EPC2: variants seen among roughly 807,000 people sequenced by gnomAD.
EPC2 encodes the protein enhancer of polycomb homolog 2.
A neutral mutation model predicts 92.1 loss-of-function variants in EPC2; 14 were observed. The observed-to-expected ratio is 0.15, with a 90% CI of 0.10 to 0.24. EPC2 has a LOEUF of 0.24. Ranked by LOEUF, EPC2 falls within the 10% of genes least tolerant of loss-of-function variation. EPC2 has a pLI of 1.00. For missense variants in EPC2, 755 were observed against 971.5 expected (o/e 0.78, Z 2.96); for synonymous variants, 340 against 334.7 (o/e 1.02, Z -0.17).
At chr2:148,729,285 C>T (rs1682570993) in intron 2 of EPC2, among the ~76,000 whole-genome samples, 1 of 151,988 alleles carries the variant, frequency 6.6e-6, no homozygotes, top group Non-Finnish European at 1.5e-5. Flanking sequence ...GCTAATCTGA[C>T]AGGTGAAAAA....
intron 2 of EPC2, among the ~76,000 whole-genome samples, chr2:148,724,377 A>G (rs1169244278): frequency 1.3e-5 from 2 of 152,122 alleles, no homozygotes; most frequent in African/African-American, 4.8e-5. Flanking sequence ...AACATTTATC[A>G]TTTCTTTGTG....
At chr2:148,700,501 A>T (rs1252255184) in intron 2 of EPC2, among the ~76,000 whole-genome samples, 1 of 6,870 alleles carries the variant, frequency 1.5e-4, no homozygotes, top group Non-Finnish European at 2.9e-4. Context: ...CCCGCCCCGC[A>T]TTGAATTGCC....
chr2:148,745,373 G>A (rs1682964829), intron 3 of EPC2, among the ~76,000 whole-genome samples: 1 of 152,058 alleles, frequency 6.6e-6, no homozygotes, highest in Non-Finnish European at 1.5e-5. Flanking sequence ...CTTTCTTTGA[G>A]TCAGTAAGCA....
At chr2:148,662,252 A>T (rs1176860069) in intron 1 of EPC2, among the ~76,000 whole-genome samples, 1 of 152,122 alleles carries the variant, frequency 6.6e-6, no homozygotes, top group Admixed American at 6.5e-5. Flanking sequence ...TGTGGAAGTC[A>T]GTGTGGCGAT....
At chr2:148,672,464 G>T (rs1042422065) in intron 1 of EPC2, among the ~76,000 whole-genome samples, 2 of 151,968 alleles carry the variant, frequency 1.3e-5, no homozygotes, top group Non-Finnish European at 2.9e-5. Flanking sequence ...GTTTTTTATA[G>T]TGACATACTT....
At chr2:148,769,394 G>A (rs1382532782) in intron 8 of EPC2, among the ~76,000 whole-genome samples, 154 bp downstream of exon 8, 1 of 152,168 alleles carries the variant, frequency 6.6e-6, no homozygotes. Context: ...ATGCTAAAAG[G>A]TACTGAGTCC....
Position 148,784,755 on chromosome 2 carries a change from A to G in EPC2, c.2105A>G (p.His702Arg). ...GTACAGCTTGTAAGGACAGTTGGCC[A>G]CACCACTACAAACCACTTAATCCCA... ...SAVQLVRTVG[H>R]TTTNHLIPAL... Residue 702 changes from histidine (H) to arginine (R), a missense_variant, in exon 13 of 14, where the codon CAC becomes CGC. His to Arg is a conservative substitution (Grantham distance 29, BLOSUM62 0). This residue lies in a region of EPC2 where 207 missense variants were observed against 260.5 expected (regional missense o/e 0.79). Transcript: ENST00000258484. 1 of 1,614,000 alleles carries G rather than the reference A, an allele frequency of 6.2e-7. No homozygotes were observed. The highest frequency in any genetic ancestry group is 8.5e-7 in the Non-Finnish European group (1 of 1,179,884).
chr2:148,646,887 G>A (rs1683813661), intron 1 of EPC2, among the ~76,000 whole-genome samples: 2 of 152,026 alleles, frequency 1.3e-5, no homozygotes, highest in East Asian at 1.9e-4. Context: ...CGAGGTGGGC[G>A]GATCATGAGG....
In EPC2 at chr2:148,656,200, A is replaced by G. The variant is rs80331926; in HGVS notation, c.153+11030A>G. Among the ~76,000 whole-genome samples, 62 of 152,238 alleles carry G rather than the reference A, an allele frequency of 4.1e-4. No individual in the cohort carries two copies. The East Asian group carries it at 0.011, about 28-fold the overall frequency. On this transcript the variant is annotated intron_variant, in intron 1 of 13. Coordinates refer to ENST00000258484, the MANE Select transcript of EPC2 (RefSeq NM_015630.4). ...TTTTGATTTTCAATTCCTTCCCTTT[A>G]ACATCTCTGAGGAATTGAGAATTAG...
chr2:148,733,532 C>G (rs1184231312), intron 2 of EPC2, among the ~76,000 whole-genome samples: 1 of 106,660 alleles, frequency 9.4e-6, no homozygotes, highest in Non-Finnish European at 1.7e-5. Context: ...GGGTCTCACT[C>G]TGTCACCCAG....
chr2:148,701,970 A>T (rs1246589084), intron 2 of EPC2, among the ~76,000 whole-genome samples: 1 of 152,040 alleles, frequency 6.6e-6, no homozygotes, highest in Non-Finnish European at 1.5e-5. Flanking sequence ...CATTTTCTGT[A>T]AGTTGTCAAT....
intron 2 of EPC2, among the ~76,000 whole-genome samples, chr2:148,735,689 A>G (rs1682737582): frequency 2.0e-5 from 3 of 151,900 alleles, no homozygotes; most frequent in African/African-American, 7.2e-5. Context: ...CATAGTTATA[A>G]TATTATCTAA....
intron 1 of EPC2, among the ~76,000 whole-genome samples, chr2:148,658,607 G>GTATATATATATATATATA (rs3076616): frequency 5.1e-4 from 72 of 141,282 alleles, no homozygotes; most frequent in African/African-American, 1.1e-3. Context: ...GTGTGTGTGT[G>GTATATATATATATATATA]TATATATATA....
At chr2:148,708,639 A>C (rs765166190) in intron 2 of EPC2, among the ~76,000 whole-genome samples, 1 of 152,252 alleles carries the variant, frequency 6.6e-6, no homozygotes, top group African/African-American at 2.4e-5. Flanking sequence ...CAAAAAGCTT[A>C]TCCACCAATA....
chr2:148,682,925 G>A (rs553214621), intron 1 of EPC2, among the ~76,000 whole-genome samples: 7 of 152,072 alleles, frequency 4.6e-5, no homozygotes, highest in Non-Finnish European at 8.8e-5. Flanking sequence ...TATATTTAAT[G>A]TGTCTCTTTT....
intron 10 of EPC2, among the ~76,000 whole-genome samples, chr2:148,776,534 A>G (rs959302652): frequency 3.3e-5 from 5 of 152,002 alleles, no homozygotes; most frequent in Non-Finnish European, 5.9e-5. Context: ...GGTCATGTCA[A>G]CCCTCCTGGA....
intron 1 of EPC2, among the ~76,000 whole-genome samples, chr2:148,659,200 A>G (rs948926903): frequency 6.6e-6 from 1 of 152,142 alleles, no homozygotes; most frequent in Non-Finnish European, 1.5e-5. Context: ...TGGTGCCTAG[A>G]TAGACTTAAT....
chr2:148,764,047 A>G (rs1014411988), intron 6 of EPC2, among the ~76,000 whole-genome samples: 2 of 152,200 alleles, frequency 1.3e-5, no homozygotes, highest in Non-Finnish European at 2.9e-5. Flanking sequence ...ACTTTAAAAT[A>G]TGGGAAGTTT....
At chr2:148,708,942 G>T (rs1574596096) in intron 2 of EPC2, among the ~76,000 whole-genome samples, 1 of 152,062 alleles carries the variant, frequency 6.6e-6, no homozygotes, top group Non-Finnish European at 1.5e-5. Context: ...CACAAGACAG[G>T]GATGCCCTCT....
Sources: allele counts gnomAD v4.1 joint callset (sites outside exome capture counted in the v4.1 genomes callset), GRCh38; gene constraint gnomAD v4.1.1; regional missense constraint gnomAD v4.1.1; transcripts MANE v1.5; gene names NCBI Gene and HGNC (gene_info 2026-07-23, HGNC 2026-07-21).